Variants in PRAMEF14 observed in about 807,000 individuals in gnomAD.
PRAMEF14 encodes the protein PRAME family member 14.
PRAMEF14 carries 24 observed loss-of-function variants against 38.3 expected under a neutral mutation model. The ratio of observed to expected loss-of-function variants is 0.63; its 90% CI spans 0.45 to 0.88. PRAMEF14 has a LOEUF of 0.88. Ranked by LOEUF, PRAMEF14 falls within the 40% of genes least tolerant of loss-of-function variation. The pLI is 0.00. For missense variants in PRAMEF14, 477 were observed against 570.8 expected (o/e 0.84, Z 1.67); for synonymous variants, 194 against 226.4 (o/e 0.86, Z 1.29).
At chr1:13,343,362 T>C (rs1247047009) in intron 3 of PRAMEF14, among the ~76,000 whole-genome samples, 66 of 145,602 alleles carry the variant, frequency 4.5e-4, no homozygotes, top group East Asian at 2.0e-3. Flanking sequence ...CAGAAAACTT[T>C]ATCTCTGGGC....
At chr1:13,345,893 G>A (rs1392355166) in intron 1 of PRAMEF14, among the ~76,000 whole-genome samples, 1 of 151,776 alleles carries the variant, frequency 6.6e-6, no homozygotes, top group African/African-American at 2.4e-5. Flanking sequence ...AGGTTGCAGT[G>A]AGCCAAGATC....
In PRAMEF14 at chr1:13,342,129, G is replaced by A. The variant is rs1251651149; in HGVS notation, c.*399C>T. 3.8e-4 allele frequency: 85 copies of A among 222,520 alleles called. No individual in the cohort carries two copies. The Middle Eastern group carries it at 5.6e-3, about 15-fold the overall frequency. The allele number at this position is 222,520 out of a possible 1,614,324, so 13.8% of individuals were successfully genotyped here. A position where few individuals can be genotyped will look rare whatever the true frequency, so the allele number is the denominator to read the frequency against. ...CTGTAGAACTTTAGCTTCTCTTTCC[G>A]ACTCTGTAGGACACGGGTCCCTGAA... On this transcript the variant is annotated 3_prime_UTR_variant, in exon 4 of 4. Coordinates refer to ENST00000334600, the MANE Select transcript of PRAMEF14 (RefSeq NM_001024661.2).
At position 13,345,495 on chromosome 1, in the gene PRAMEF14, C is replaced by G. The variant is rs1483132670; in HGVS notation, c.-25-156G>C. ...TTTCATCCTTCATTCCACTGAATCC[C>G]AGAACCACCGGACACTGCCACTGAG... On this transcript the variant is annotated intron_variant, in intron 1 of 3. Transcript: ENST00000334600. 119 of 766,638 alleles carry G rather than the reference C, an allele frequency of 1.6e-4. 1 individual carries two copies. In the African/African-American group the frequency reaches 1.8e-3, roughly 11 times the overall value. 47.5% of individuals were successfully genotyped at this position (766,638 alleles called of 1,614,324 possible).
In PRAMEF14 at chr1:13,342,840, A is replaced by G; in HGVS notation, c.1113T>C (p.Pro371=). The G allele has an allele frequency of 6.2e-7, 1 of 1,608,818 alleles. No homozygotes were observed. Among genetic ancestry groups the G allele is most frequent in the Non-Finnish European group, 8.5e-7 (1 of 1,179,246 alleles). ...IHYSQLSAIL[P]GLSHCSQLTT... Reference sequence around the variant, plus strand: ...TGAGCTGGGAGCAGTGGCTCAGGCCAGGCAGGATGGCACTGAGTTGGGAGT... The same window carrying G: ...TGAGCTGGGAGCAGTGGCTCAGGCCGGGCAGGATGGCACTGAGTTGGGAGT... Residue 371 remains proline, a synonymous_variant, in exon 4 of 4, where the codon CCT becomes CCC. Coordinates refer to ENST00000334600, the MANE Select transcript of PRAMEF14 (RefSeq NM_001024661.2).
In PRAMEF14 at chr1:13,344,028, C is replaced by A. The variant is rs1241928885; in HGVS notation, c.866+10G>T. ...GTGGTCTGCATATAAAGTGCATGAT[C>A]CTTCCTCACCTGATCAGCTGTTCCA... is the stretch of plus-strand genomic sequence containing the variant. On this transcript the variant is annotated intron_variant, in intron 3 of 3. Coordinates refer to ENST00000334600, the MANE Select transcript of PRAMEF14 (RefSeq NM_001024661.2). 2 of 1,608,158 alleles carry A rather than the reference C, an allele frequency of 1.2e-6. No homozygotes were observed. Among genetic ancestry groups the A allele is most frequent in the Non-Finnish European group, 1.7e-6 (2 of 1,178,446 alleles).
Position 13,345,156 on chromosome 1 carries a change from C to A in PRAMEF14, c.159G>T (p.Thr53=). ...AFRRRHFQTL[T]VMVQAWPFTC... is the part of the protein sequence containing the mutation. ...TGAAGGGCCAGGCCTGCACCATCACCGTCAGAGTCTGGAAGTGTCTCCTGC... is the reference window on the plus strand; with the variant it reads ...TGAAGGGCCAGGCCTGCACCATCACAGTCAGAGTCTGGAAGTGTCTCCTGC... Residue 53 remains threonine, a synonymous_variant, in exon 2 of 4, where the codon ACG becomes ACT. Transcript: ENST00000334600. 6.2e-7 allele frequency: 1 copy of A among 1,603,490 alleles called. No individual in the cohort carries two copies. Among genetic ancestry groups the A allele is most frequent in the Non-Finnish European group, 8.5e-7 (1 of 1,176,128 alleles).
At position 13,344,442 on chromosome 1, in the gene PRAMEF14, G is replaced by A. The variant is rs1640374650; in HGVS notation, c.462C>T (p.Cys154=). 6.2e-7 allele frequency: 1 copy of A among 1,606,586 alleles called. No individual in the cohort carries two copies. Among genetic ancestry groups the A allele is most frequent in the East Asian group, 2.4e-5 (1 of 42,308 alleles). ...HQPLKVFIDI[C]LKEIPQDECL... ...ATTCATCCTGGGGTATTTCCTTGAG[G>A]CAGATGTCTATGAACACCTTTAAGG... Residue 154 remains cysteine, a synonymous_variant, in exon 3 of 4, where the codon TGC becomes TGT. Coordinates refer to ENST00000334600, the MANE Select transcript of PRAMEF14 (RefSeq NM_001024661.2).
chr1:13,346,366 G>A (rs1640405013), intron 1 of PRAMEF14, among the ~76,000 whole-genome samples: 2 of 150,090 alleles, frequency 1.3e-5, no homozygotes, highest in Non-Finnish European at 1.5e-5. Context: ...AAATTAGCTG[G>A]GCATGGTGGT....
Position 13,342,852 on chromosome 1 carries a change from A to T in PRAMEF14, c.1101T>A (p.Ser367Arg), listed in dbSNP as rs369469898. 442 of 1,609,084 alleles carry T rather than the reference A, an allele frequency of 2.7e-4. 2 individuals are homozygous for T. In the African/African-American group the frequency reaches 5.2e-3, roughly 19 times the overall value. Residue 367 changes from serine (S) to arginine (R), a missense_variant, in exon 4 of 4, where the codon AGT (serine) becomes AGA (arginine). This residue lies in a region of PRAMEF14 where 151 missense variants were observed against 137.4 expected (regional missense o/e 1.10). Coordinates refer to ENST00000334600, the MANE Select transcript of PRAMEF14 (RefSeq NM_001024661.2). Reference protein sequence around the residue: ...EGCQIHYSQLSAILPGLSHCS... With the variant: ...EGCQIHYSQLRAILPGLSHCS... ...AGTGGCTCAGGCCAGGCAGGATGGC[A>T]CTGAGTTGGGAGTAGTGGATCTGAC...
At position 13,345,584 on chromosome 1, in the gene PRAMEF14, A is replaced by C. The variant is rs1358381944; in HGVS notation, c.-25-245T>G. ...TTCTTGTCACTTACCACCCTAAAGC[A>C]ATGAGAATGAGAGTGTCCTGTGGCC... On this transcript the variant is annotated intron_variant, in intron 1 of 3. Coordinates refer to ENST00000334600, the MANE Select transcript of PRAMEF14 (RefSeq NM_001024661.2). Among the ~76,000 whole-genome samples the C allele has an allele frequency of 1.3e-5, 2 of 150,860 alleles. 1 individual carries two copies. The highest frequency in any genetic ancestry group is 1.3e-4 in the Admixed American group (2 of 15,174).
At chr1:13,343,168 C>A in intron 3 of PRAMEF14, 82 bp from the exon 4 acceptor site, 1 of 913,612 alleles carries the variant, frequency 1.1e-6, no homozygotes. Flanking sequence ...ATGCCTGCGT[C>A]AAACAAACAC....
Position 13,342,352 on chromosome 1 carries a change from C to T in PRAMEF14, c.*176G>A, listed in dbSNP as rs1183840433. ...TAAGCCCAGCTGAGGCAGGAGGATC[C>T]CAGAGCAACACAGAGAAACCCTGTC... On this transcript the variant is annotated 3_prime_UTR_variant, in exon 4 of 4. Coordinates refer to ENST00000334600, the MANE Select transcript of PRAMEF14 (RefSeq NM_001024661.2). The T allele has an allele frequency of 2.5e-6, 3 of 1,193,548 alleles. No individual in the cohort carries two copies. The highest frequency in any genetic ancestry group is 3.4e-6 in the Non-Finnish European group (3 of 878,950). The allele number at this position is 1,193,548 out of a possible 1,614,324, so 73.9% of individuals were successfully genotyped here.
At chr1:13,343,329 T>G (rs1424954500) in intron 3 of PRAMEF14, among the ~76,000 whole-genome samples, 3 of 144,392 alleles carry the variant, frequency 2.1e-5, no homozygotes, top group Non-Finnish European at 3.1e-5. Flanking sequence ...AAAGCCTTTT[T>G]TTTTTTTTTT....
rs1479670710 is a variant in PRAMEF14, at chr1:13,341,923, T to G, written c.*605A>C. ...ATCAAATTCTATTTGGTTGCTTTGA[T>G]GTTCTACAGCTGAAACTCAATCACA... On this transcript the variant is annotated 3_prime_UTR_variant, in exon 4 of 4. Transcript: ENST00000334600. 2 of 154,754 alleles carry G rather than the reference T, an allele frequency of 1.3e-5. No homozygotes were observed. The highest frequency in any genetic ancestry group is 2.9e-5 in the Non-Finnish European group (2 of 69,622). 9.6% of individuals were successfully genotyped at this position (154,754 alleles called of 1,614,324 possible). A position where few individuals can be genotyped will look rare whatever the true frequency, so the allele number is the denominator to read the frequency against.
rs774900418 is a variant in PRAMEF14, at chr1:13,342,560, A to G, written c.1393T>C (p.Ser465Pro). The stretch of plus-strand genomic sequence containing the variant: ...CAAAGATGGAGCTCCAGTTCCTCAG[A>G]CGGTGATGAGCCACAGGAAGGGCAG... ...TPCPSCGSSPSEELELHLCC is the reference protein window; with the variant it reads ...TPCPSCGSSPPEELELHLCC The change falls in exon 4 of 4, where the codon TCT becomes CCT. Residue 465 changes from serine (S) to proline (P), a missense_variant. By Grantham distance (74) the Ser-to-Pro change is moderately conservative. Coordinates refer to ENST00000334600, the MANE Select transcript of PRAMEF14 (RefSeq NM_001024661.2). The G allele has an allele frequency of 9.1e-5, 146 of 1,604,688 alleles. 9 individuals carry two copies. In the South Asian group the frequency reaches 1.6e-3, roughly 17 times the overall value.
rs1553186835 is a variant in PRAMEF14 at position 13,342,658 on chromosome 1, A to G, written c.1295T>C (p.Leu432Pro). The G allele has an allele frequency of 5.5e-5, 89 of 1,604,748 alleles. 4 individuals carry two copies. In the East Asian group the frequency reaches 8.2e-4, roughly 15 times the overall value. Reference sequence around the variant, plus strand: ...TGTACACATCAGCTCAGCCCGAAGTAGGGCGAAGATCTCCCAATCGACACG... The same window carrying G: ...TGTACACATCAGCTCAGCCCGAAGTGGGGCGAAGATCTCCCAATCGACACG... ...LVRVDWEIFA[L>P]LRAELMCTLR... Residue 432 changes from leucine to proline, a missense_variant, in exon 4 of 4, where the codon CTA becomes CCA. By Grantham distance (98) the Leu-to-Pro change is moderately conservative (BLOSUM62 -3). Transcript: ENST00000334600.
At chr1:13,343,744 A>G in intron 3 of PRAMEF14, 1 of 1,332,360 alleles carries the variant, frequency 7.5e-7, no homozygotes, top group Non-Finnish European at 9.9e-7. Flanking sequence ...CACACTTTGT[A>G]ACAGGAAATT....
chr1:13,343,551 A>G, intron 3 of PRAMEF14: 5 of 1,311,166 alleles, frequency 3.8e-6, no homozygotes, highest in Non-Finnish European at 5.0e-6. Context: ...CACATTTCCC[A>G]TGTCAGTTAC....
Position 13,343,580 on chromosome 1 carries a change from C to T in PRAMEF14, c.866+458G>A. 1.5e-6 allele frequency: 2 copies of T among 1,312,858 alleles called. 1 individual carries two copies. Among genetic ancestry groups the T allele is most frequent in the South Asian group, 2.5e-5 (2 of 80,446 alleles). The allele number at this position is 1,312,858 out of a possible 1,614,324, so 81.3% of individuals were successfully genotyped here. A position where few individuals can be genotyped will look rare whatever the true frequency, so the allele number is the denominator to read the frequency against. On this transcript the variant is annotated intron_variant, in intron 3 of 3. Transcript: ENST00000334600. ...CAGTTACCTTTCCTGGAGTTCAAAA[C>T]AACCTTTTACAAACAGGGAATCAGA...
Sources: gnomAD v4.1 joint callset for allele counts (sites outside exome capture counted in the v4.1 genomes callset) on GRCh38, gnomAD v4.1.1 for gene constraint, gnomAD v4.1.1 regional missense constraint, MANE v1.5 for transcripts, NCBI Gene and HGNC (gene_info 2026-07-23, HGNC 2026-07-21) for gene names.